MTHFD1L: variants seen among roughly 807,000 people sequenced by gnomAD.
The protein encoded by MTHFD1L is methylenetetrahydrofolate dehydrogenase (NADP+ dependent) 1 like.
Under a neutral mutation model 119.5 loss-of-function variants are expected in MTHFD1L, and 81 were observed. The ratio of observed to expected loss-of-function variants is 0.68; its 90% CI spans 0.57 to 0.82. The LOEUF is 0.82. Ranked by LOEUF, MTHFD1L falls within the 40% of genes least tolerant of loss-of-function variation. MTHFD1L has a pLI of 0.00. For missense variants in MTHFD1L, 1,125 were observed against 1,253.4 expected (o/e 0.90, Z 1.55); for synonymous variants, 430 against 475.2 (o/e 0.90, Z 1.24).
chr6:150,933,718 C>T (rs984967379), intron 11 of MTHFD1L, among the ~76,000 whole-genome samples: 12 of 152,212 alleles, frequency 7.9e-5, no homozygotes, highest in African/African-American at 2.9e-4. Context: ...GTTCTGGAAA[C>T]AGTCTCATCC....
At chr6:151,096,740 G>A (rs1455732042) in intron 27 of MTHFD1L, among the ~76,000 whole-genome samples, 1 of 152,218 alleles carries the variant, frequency 6.6e-6, no homozygotes, top group African/African-American at 2.4e-5. Context: ...AAGTGTTGAA[G>A]GCGCGTTCCA....
chr6:150,922,242 A>G lies in MTHFD1L; in HGVS notation c.1022A>G (p.Gln341Arg). 6.2e-7 allele frequency: 1 copy of G among 1,614,136 alleles called. No individual in the cohort carries two copies. The highest frequency in any genetic ancestry group is 8.5e-7 in the Non-Finnish European group (1 of 1,179,974). ...VSSGRRWLRE[Q>R]QHRRWRLHCL... is the part of the protein sequence containing the mutation. ...AGTGGAAGGAGATGGCTTCGTGAAC[A>G]GCAGCACAGGCGGTGGAGACTTCAC... is the stretch of plus-strand genomic sequence containing the variant. The change falls in exon 10 of 28, where the codon CAG becomes CGG. Residue 341 changes from glutamine to arginine, a missense_variant. By Grantham distance (43) the Gln-to-Arg change is conservative. Coordinates refer to ENST00000367321, the MANE Select transcript of MTHFD1L (RefSeq NM_015440.5).
intron 26 of MTHFD1L, among the ~76,000 whole-genome samples, chr6:151,078,190 A>G (rs9478167): frequency 0.69 from 105,182 of 151,756 alleles, 38,451 homozygotes; most frequent in East Asian, 0.91. Flanking sequence ...AAGCCACTAG[A>G]GGAGTATTTC....
intron 26 of MTHFD1L, among the ~76,000 whole-genome samples, chr6:151,066,807 T>G (rs1231165003): frequency 6.6e-6 from 1 of 151,950 alleles, no homozygotes; most frequent in Non-Finnish European, 1.5e-5. Flanking sequence ...TGTTGGTTCT[T>G]CCAAAGAGCC....
chr6:150,978,584 C>T, intron 20 of MTHFD1L, among the ~76,000 whole-genome samples: 1 of 152,108 alleles, frequency 6.6e-6, no homozygotes, highest in Non-Finnish European at 1.5e-5. Context: ...CAGAATGAAT[C>T]GACTTAGCAG....
At chr6:150,968,072 C>T (rs552671093) in intron 19 of MTHFD1L, among the ~76,000 whole-genome samples, 5 of 152,208 alleles carry the variant, frequency 3.3e-5, no homozygotes, top group East Asian at 1.9e-4. Flanking sequence ...CCAGCTCCTT[C>T]GCCTCCCTCT....
At chr6:150,898,434 T>C (rs1225824360) in intron 7 of MTHFD1L, among the ~76,000 whole-genome samples, 1 of 152,174 alleles carries the variant, frequency 6.6e-6, no homozygotes, top group East Asian at 1.9e-4. Context: ...GGAGAGTTTC[T>C]CAAAGGAAAC....
At chr6:151,073,404 A>C (rs1562630058) in intron 26 of MTHFD1L, among the ~76,000 whole-genome samples, 1 of 152,220 alleles carries the variant, frequency 6.6e-6, no homozygotes, top group Non-Finnish European at 1.5e-5. Flanking sequence ...ATGCAGGGGC[A>C]CTGGTTAGAA....
intron 16 of MTHFD1L, among the ~76,000 whole-genome samples, chr6:150,950,133 T>C (rs1794632409): frequency 2.0e-5 from 3 of 152,202 alleles, no homozygotes; most frequent in Admixed American, 2.0e-4. Flanking sequence ...TTAACAGAGA[T>C]ATCCCGTTGT....
At chr6:150,866,174 AG>A in intron 1 of MTHFD1L, 125 bp downstream of exon 1, 2 of 1,365,962 alleles carry the variant, frequency 1.5e-6, no homozygotes, top group East Asian at 3.0e-5. Flanking sequence ...CCAACTCATT[AG>A]GGGGGCCGGG....
chr6:151,015,743 G>C, intron 24 of MTHFD1L, 50 bp downstream of exon 24: 2 of 1,584,830 alleles, frequency 1.3e-6, no homozygotes, highest in South Asian at 2.3e-5. Flanking sequence ...CTTAGCATGG[G>C]TTGTCCCATT....
At chr6:150,890,156 C>CA (rs2128786551) in intron 7 of MTHFD1L, among the ~76,000 whole-genome samples, 1 of 151,094 alleles carries the variant, frequency 6.6e-6, no homozygotes, top group East Asian at 1.9e-4. Flanking sequence ...AACTCCGTCT[C>CA]AAAAAAATAA....
At chr6:150,984,623 C>T (rs770973223) in intron 20 of MTHFD1L, among the ~76,000 whole-genome samples, 12 of 151,036 alleles carry the variant, frequency 7.9e-5, no homozygotes, top group Non-Finnish European at 5.9e-5. Flanking sequence ...AAGTACCTAC[C>T]GTCCCAAATT....
At chr6:151,041,959 G>A in intron 26 of MTHFD1L, 1 of 372,900 alleles carries the variant, frequency 2.7e-6, no homozygotes, top group Non-Finnish European at 5.4e-6. Context: ...TTCACTTATA[G>A]GCCAGGGTTT....
At chr6:150,888,830 A>G (rs1010420522) in intron 7 of MTHFD1L, among the ~76,000 whole-genome samples, 1 of 152,226 alleles carries the variant, frequency 6.6e-6, no homozygotes, top group African/African-American at 2.4e-5. Flanking sequence ...GTGGAAATTT[A>G]TGCATATATG....
chr6:150,998,750 G>A (rs970922519), intron 20 of MTHFD1L, among the ~76,000 whole-genome samples: 9 of 149,020 alleles, frequency 6.0e-5, no homozygotes, highest in African/African-American at 2.0e-4. Context: ...GCCAGGGCAG[G>A]CAGATCACTT....
chr6:151,075,594 A>T (rs1038886080), intron 26 of MTHFD1L, among the ~76,000 whole-genome samples: 31 of 152,350 alleles, frequency 2.0e-4, no homozygotes, highest in African/African-American at 6.0e-4. Flanking sequence ...AAAATCAATA[A>T]GGATTTAGAA....
chr6:150,927,550 G>A (rs544072516), intron 11 of MTHFD1L, among the ~76,000 whole-genome samples: 285 of 150,044 alleles, frequency 1.9e-3, no homozygotes, highest in Admixed American at 3.3e-3. Flanking sequence ...TCTGCCTCCC[G>A]GGTTCAAGCG....
intron 26 of MTHFD1L, among the ~76,000 whole-genome samples, chr6:151,059,855 G>A (rs763562036): frequency 2.0e-5 from 3 of 152,174 alleles, no homozygotes; most frequent in African/African-American, 7.2e-5. Context: ...GGAGTCGCCC[G>A]CTTTATTTAC....
Sources: allele counts gnomAD v4.1 joint callset (sites outside exome capture counted in the v4.1 genomes callset), GRCh38; gene constraint gnomAD v4.1.1; transcripts MANE v1.5; gene names NCBI Gene and HGNC (gene_info 2026-07-23, HGNC 2026-07-21).